The following ERBB4 variants were observed in gnomAD, a reference collection of about 807,000 sequenced individuals.
ERBB4 encodes the protein erb-b2 receptor tyrosine kinase 4.
A neutral mutation model predicts 158.0 loss-of-function variants in ERBB4; 42 were observed. The observed-to-expected ratio is 0.27, with a 90% confidence interval of 0.21 to 0.34. The LOEUF is 0.34. Among genes scored for constraint, ERBB4 ranks in the 10% least tolerant of loss-of-function variants. ERBB4 has a pLI of 1.00. For synonymous variants in ERBB4, 583 were observed against 558.7 expected (o/e 1.04, Z -0.61); for missense variants, 1,333 against 1,624.1 (o/e 0.82, Z 3.08).
chr2:212,508,316 C>G (rs775833396), intron 1 of ERBB4, among the ~76,000 whole-genome samples: 1 of 151,912 alleles, frequency 6.6e-6, no homozygotes. Context: ...CTTAGGTATG[C>G]CTTCATATTA....
At chr2:211,713,741 T>A (rs774727297) in intron 7 of ERBB4, 93 bp from the exon 8 acceptor site, 1 of 751,290 alleles carries the variant, frequency 1.3e-6, no homozygotes. Flanking sequence ...TAAAAATGAT[T>A]AGCATCATTG....
At chr2:211,418,258 G>C (rs1053245910) in intron 25 of ERBB4, among the ~76,000 whole-genome samples, 5 of 152,120 alleles carry the variant, frequency 3.3e-5, no homozygotes, top group East Asian at 3.9e-4. Context: ...TTCTAATTCA[G>C]CCATGTAGGA....
intron 1 of ERBB4, among the ~76,000 whole-genome samples, chr2:212,128,834 G>C (rs2080021584): frequency 6.6e-6 from 1 of 152,022 alleles, no homozygotes; most frequent in South Asian, 2.1e-4. Flanking sequence ...AACATAAGGA[G>C]AAGAAGAAGA....
At chr2:211,842,521 A>G (rs1459885180) in intron 3 of ERBB4, among the ~76,000 whole-genome samples, 1 of 144,112 alleles carries the variant, frequency 6.9e-6, no homozygotes, top group African/African-American at 2.5e-5. Context: ...ATGTACCTAT[A>G]TTGCAAACAT....
chr2:211,421,248 G>GA (rs1344526700), intron 24 of ERBB4, among the ~76,000 whole-genome samples: 3 of 151,688 alleles, frequency 2.0e-5, no homozygotes, highest in African/African-American at 7.3e-5. Context: ...TAATTTTGGG[G>GA]AAAAAATAAA....
chr2:211,947,958 C>G (rs1277560688), intron 2 of ERBB4, among the ~76,000 whole-genome samples: 2 of 152,094 alleles, frequency 1.3e-5, no homozygotes, highest in East Asian at 3.9e-4. Context: ...TAAGGACACA[C>G]AACCATCAGT....
rs2125309608 is a variant in ERBB4 at position 211,383,785 on chromosome 2, G to C, written c.3757C>G (p.Leu1253Val). Residue 1253 changes from leucine to valine, a missense_variant, in exon 28 of 28, where the codon CTT (leucine) becomes GTT (valine). Around this residue, in one of 5 missense-constraint regions of ERBB4, gnomAD observed 84 missense variants for 110.8 expected, o/e 0.76. Transcript: ENST00000342788. ...TCCTGCAGGTAGTCTGGGTGCTGAA[G>C]GGTGCTCCGAGGTGGCAGGCTGTGG... Reference protein sequence around the residue: ...WNHSLPPRSTLQHPDYLQEYS... With the variant: ...WNHSLPPRSTVQHPDYLQEYS... The C allele has an allele frequency of 6.2e-7, 1 of 1,614,140 alleles. No homozygotes were observed. The highest frequency in any genetic ancestry group is 8.5e-7 in the Non-Finnish European group (1 of 1,180,016).
chr2:212,003,507 C>T (rs1332566643), intron 2 of ERBB4, among the ~76,000 whole-genome samples: 1 of 152,038 alleles, frequency 6.6e-6, no homozygotes, highest in East Asian at 1.9e-4. Flanking sequence ...TTCGTGCTGA[C>T]TTCCTAGAAC....
In ERBB4 at chr2:211,750,814, G is replaced by A. The variant is rs573012768; in HGVS notation, c.557-110C>T. 29 of 935,488 alleles carry A rather than the reference G, an allele frequency of 3.1e-5. 1 individual carries two copies. The highest frequency in any genetic ancestry group is 1.8e-4 in the African/African-American group (11 of 62,304). 57.9% of individuals were successfully genotyped at this position (935,488 alleles called of 1,614,324 possible). On this transcript the variant is annotated intron_variant, in intron 4 of 27. Coordinates refer to ENST00000342788, the MANE Select transcript of ERBB4 (RefSeq NM_005235.3). ...CCTGCTCCTTTATGAGGATTTTTATGTCATACTAGAGCTGAAACATAGCCC... is the reference window on the plus strand; with the variant it reads ...CCTGCTCCTTTATGAGGATTTTTATATCATACTAGAGCTGAAACATAGCCC...
At chr2:212,128,158 G>C (rs914510128) in intron 1 of ERBB4, among the ~76,000 whole-genome samples, 1 of 152,156 alleles carries the variant, frequency 6.6e-6, no homozygotes, top group Non-Finnish European at 1.5e-5. Flanking sequence ...TGAGAATGCA[G>C]ATTTTGTAGA....
chr2:211,959,712 T>C (rs1355138969), intron 2 of ERBB4, among the ~76,000 whole-genome samples: 1 of 152,144 alleles, frequency 6.6e-6, no homozygotes, highest in African/African-American at 2.4e-5. Flanking sequence ...TGATTTTAAA[T>C]ATCTTCTTAA....
chr2:211,643,782 C>T (rs1484284880), intron 16 of ERBB4, among the ~76,000 whole-genome samples: 1 of 151,972 alleles, frequency 6.6e-6, no homozygotes, highest in Non-Finnish European at 1.5e-5. Flanking sequence ...GTGCCTCACA[C>T]ATTTGTAAGT....
At chr2:212,474,822 CTTTTT>C (rs539959668) in intron 1 of ERBB4, among the ~76,000 whole-genome samples, 1 of 94,412 alleles carries the variant, frequency 1.1e-5, no homozygotes. Flanking sequence ...CCCGGCCATT[CTTTTT>C]TTTTTTTTTT....
rs142865313 is a variant in ERBB4 at position 212,061,565 on chromosome 2, A to C, written c.234+63187T>G. On this transcript the variant is annotated intron_variant, in intron 2 of 27. Coordinates refer to ENST00000342788, the MANE Select transcript of ERBB4 (RefSeq NM_005235.3). ...ATTCATTACACTTCAATACCCATTTAAATATCCATGATAACAGTCATTAAA... is the reference window on the plus strand; with the variant it reads ...ATTCATTACACTTCAATACCCATTTCAATATCCATGATAACAGTCATTAAA... Among the ~76,000 whole-genome samples the C allele has an allele frequency of 2.7e-3, 415 of 151,522 alleles. 5 individuals carry two copies. The highest frequency in any genetic ancestry group is 9.6e-3 in the African/African-American group (397 of 41,344).
intron 1 of ERBB4, among the ~76,000 whole-genome samples, chr2:212,449,673 C>T (rs1225118915): frequency 1.3e-5 from 2 of 151,992 alleles, no homozygotes; most frequent in Non-Finnish European, 1.5e-5. Context: ...ATTCACATTG[C>T]ATTAATTTTT....
intron 1 of ERBB4, among the ~76,000 whole-genome samples, chr2:212,334,386 G>A (rs1244102072): frequency 6.6e-6 from 1 of 151,992 alleles, no homozygotes; most frequent in Non-Finnish European, 1.5e-5. Flanking sequence ...AGCAAGAACA[G>A]TGTCTTGCTC....
At chr2:211,638,654 G>A (rs186318292) in intron 16 of ERBB4, among the ~76,000 whole-genome samples, 1 of 152,176 alleles carries the variant, frequency 6.6e-6, no homozygotes, top group African/African-American at 2.4e-5. Flanking sequence ...TTTTGACTCG[G>A]CTTTATGTGT....
intron 20 of ERBB4, among the ~76,000 whole-genome samples, chr2:211,501,638 A>G (rs915265111): frequency 1.3e-5 from 2 of 152,070 alleles, no homozygotes; most frequent in African/African-American, 4.8e-5. Flanking sequence ...ATATGAACAT[A>G]TTGTATTTAT....
chr2:212,298,824 T>C (rs1461417397), intron 1 of ERBB4, among the ~76,000 whole-genome samples: 1 of 151,680 alleles, frequency 6.6e-6, no homozygotes, highest in Non-Finnish European at 1.5e-5. Context: ...TTAATGGATA[T>C]AGTAAATATC....
Sources: gnomAD v4.1 joint callset for allele counts (sites outside exome capture counted in the v4.1 genomes callset) on GRCh38, gnomAD v4.1.1 for gene constraint, gnomAD v4.1.1 regional missense constraint, MANE v1.5 for transcripts, NCBI Gene and HGNC (gene_info 2026-07-23, HGNC 2026-07-21) for gene names.